Variants in MBD3 observed in about 807,000 individuals in gnomAD.
The protein encoded by MBD3 is methyl-CpG binding domain protein 3.
A neutral mutation model predicts 31.2 loss-of-function variants in MBD3; 13 were observed. The observed-to-expected ratio is 0.42, with a 90% CI of 0.27 to 0.66. The LOEUF is 0.66. MBD3 is among the 30% of genes least tolerant of loss of function. The pLI, the probability that MBD3 is intolerant of heterozygous loss-of-function variation, is 0.26. For missense variants in MBD3, 440 were observed against 426.5 expected (o/e 1.03, Z -0.28); for synonymous variants, 223 against 187.4 (o/e 1.19, Z -1.55).
chr19:1,592,428 C>G (rs970453474), intron 1 of MBD3, 94 bp downstream of exon 1: 4 of 387,100 alleles, frequency 1.0e-5, no homozygotes, highest in Admixed American at 5.9e-5. Context: ...CGCGCGGGGC[C>G]CAGGCCGCGG....
chr19:1,588,779 C>CAA (rs750933978), intron 1 of MBD3, among the ~76,000 whole-genome samples: 649 of 54,814 alleles, frequency 0.012, 20 homozygotes, highest in African/African-American at 0.04. Context: ...ACTGTGTCTC[C>CAA]AAAAAAAAAA....
chr19:1,582,961 T>C (rs1263067764), intron 3 of MBD3, among the ~76,000 whole-genome samples: 3 of 152,120 alleles, frequency 2.0e-5, no homozygotes. Context: ...CCCAGCACTT[T>C]AGGAGGCCGA....
At chr19:1,580,264 G>A (rs555157688) in intron 5 of MBD3, among the ~76,000 whole-genome samples, 7 of 152,306 alleles carry the variant, frequency 4.6e-5, no homozygotes, top group Middle Eastern at 3.4e-3. Context: ...CAGCCGCTCC[G>A]GATGGAACCC....
In MBD3 at chr19:1,585,579, C is replaced by CT; in HGVS notation, c.111-366_111-365insA. On this transcript the variant is annotated intron_variant, in intron 1 of 6. Transcript: ENST00000434436. The surrounding 1 kb of genome is among the most constrained non-coding windows in gnomAD (Gnocchi z 4.1). ...CCCTCTGAATCCTCCCCACCGTAGGCCCTGGCAGCGTCAGGCACAGCAGAC... is the reference window on the plus strand; with the variant it reads ...CCCTCTGAATCCTCCCCACCGTAGGCTCCTGGCAGCGTCAGGCACAGCAGAC... The CT allele has an allele frequency of 3.2e-6, 1 of 309,570 alleles. No individual in the cohort carries two copies. Among genetic ancestry groups the CT allele is most frequent in the Non-Finnish European group, 6.2e-6 (1 of 161,146 alleles). The allele number at this position is 309,570 out of a possible 1,614,324, so 19.2% of individuals were successfully genotyped here. A position where few individuals can be genotyped will look rare whatever the true frequency, so the allele number is the denominator to read the frequency against.
At chr19:1,583,721 A>G (rs1199496496) in intron 3 of MBD3, among the ~76,000 whole-genome samples, 1 of 152,104 alleles carries the variant, frequency 6.6e-6, no homozygotes, top group African/African-American at 2.4e-5. Context: ...AAATGAATAA[A>G]ACACACACAA....
intron 1 of MBD3, among the ~76,000 whole-genome samples, chr19:1,590,993 G>T (rs190563445): frequency 5.8e-4 from 88 of 152,354 alleles, no homozygotes; most frequent in Non-Finnish European, 1.6e-4. Flanking sequence ...AGGGCCCAGA[G>T]TGGGAATGAG....
At position 1,578,575 on chromosome 19, in the gene MBD3, G is replaced by A. The variant is rs757907818; in HGVS notation, c.678-37C>T. 5 of 1,608,852 alleles carry A rather than the reference G, an allele frequency of 3.1e-6. No individual in the cohort carries two copies. The highest frequency in any genetic ancestry group is 1.7e-5 in the Admixed American group (1 of 60,010). ...TGGACCTTGCGTTACACCAAGGTGAGCGGCCAGCAGGACATGGACACAGGA... is the reference window on the plus strand; with the variant it reads ...TGGACCTTGCGTTACACCAAGGTGAACGGCCAGCAGGACATGGACACAGGA... On this transcript the variant is annotated intron_variant, in intron 5 of 6. Transcript: ENST00000434436. The surrounding 1 kb of genome is among the most constrained non-coding windows in gnomAD (Gnocchi z 6.1).
chr19:1,588,515 C>A (rs924305385), intron 1 of MBD3, among the ~76,000 whole-genome samples: 11 of 152,146 alleles, frequency 7.2e-5, no homozygotes, highest in African/African-American at 2.7e-4. Context: ...GGCGCGGTGG[C>A]TCACGCCTGT....
intron 3 of MBD3, among the ~76,000 whole-genome samples, chr19:1,583,798 T>G (rs80044784): frequency 0.01 from 1,538 of 152,256 alleles, 28 homozygotes; most frequent in African/African-American, 0.035. Flanking sequence ...GTGCAAACAT[T>G]AGACCATTTC....
intron 5 of MBD3, among the ~76,000 whole-genome samples, chr19:1,580,501 T>C (rs1320511325): frequency 6.6e-6 from 1 of 152,250 alleles, no homozygotes; most frequent in African/African-American, 2.4e-5. Context: ...TGTGCTGCAC[T>C]GAACGTGAAA....
In MBD3 at chr19:1,578,016, C is replaced by T. The variant is rs142135299; in HGVS notation, c.*148G>A. 856 of 469,908 alleles carry T rather than the reference C, an allele frequency of 1.8e-3. 5 individuals carry two copies. The highest frequency in any genetic ancestry group is 0.016 in the East Asian group (399 of 24,500). 29.1% of individuals were successfully genotyped at this position (469,908 alleles called of 1,614,324 possible). On this transcript the variant is annotated 3_prime_UTR_variant, in exon 7 of 7. Transcript: ENST00000434436. This position sits in a 1 kb window ranked among gnomAD's most constrained non-coding sequence, Gnocchi z 6.1. ...GCCCCGAGGCCCCGGGAAGTGGGGA[C>T]GGGCCGAGGAGGGAGCCAGGAGCAC...
At chr19:1,587,407 T>C (rs1374699436) in intron 1 of MBD3, among the ~76,000 whole-genome samples, 2 of 151,322 alleles carry the variant, frequency 1.3e-5, no homozygotes, top group Admixed American at 6.6e-5. Context: ...CTGCTTCATT[T>C]CTTTTTTTTT....
In MBD3 at chr19:1,578,148, C is replaced by T. The variant is rs1034207837; in HGVS notation, c.*16G>A. On this transcript the variant is annotated 3_prime_UTR_variant, in exon 7 of 7. Coordinates refer to ENST00000434436, the MANE Select transcript of MBD3 (RefSeq NM_001281453.2). This position sits in a 1 kb window ranked among gnomAD's most constrained non-coding sequence, Gnocchi z 6.1. ...GGCTCCAGCAGGCAGCACGGGCTCTCGGCAGGGCCTCTGGAAAGGACAGGG... is the reference window on the plus strand; with the variant it reads ...GGCTCCAGCAGGCAGCACGGGCTCTTGGCAGGGCCTCTGGAAAGGACAGGG... 15 of 899,966 alleles carry T rather than the reference C, an allele frequency of 1.7e-5. No homozygotes were observed. Among genetic ancestry groups the T allele is most frequent in the East Asian group, 2.6e-5 (1 of 38,436 alleles). 55.7% of individuals were successfully genotyped at this position (899,966 alleles called of 1,614,324 possible). A position where few individuals can be genotyped will look rare whatever the true frequency, so the allele number is the denominator to read the frequency against.
At position 1,577,352 on chromosome 19, in the gene MBD3, T is replaced by C. The variant is rs999039927; in HGVS notation, c.*812A>G. 1.3e-5 allele frequency: 2 copies of C among 152,192 alleles called. No individual in the cohort carries two copies. Among genetic ancestry groups the C allele is most frequent in the Non-Finnish European group, 2.9e-5 (2 of 68,048 alleles). 9.4% of individuals were successfully genotyped at this position (152,192 alleles called of 1,614,324 possible). ...GTCTGGGAGCCTCACCCTGTCCCAG[T>C]GGCTCCTGGCACCCCTGGGAGCGTC... On this transcript the variant is annotated 3_prime_UTR_variant, in exon 7 of 7. Coordinates refer to ENST00000434436, the MANE Select transcript of MBD3 (RefSeq NM_001281453.2).
At chr19:1,584,907 T>G in intron 2 of MBD3, 148 bp downstream of exon 2, 1 of 1,231,348 alleles carries the variant, frequency 8.1e-7, no homozygotes, top group Non-Finnish European at 1.1e-6. Context: ...CTGCACCCTG[T>G]GGCCTGCGCC....
At chr19:1,583,615 T>C (rs756106238) in intron 3 of MBD3, among the ~76,000 whole-genome samples, 1 of 151,844 alleles carries the variant, frequency 6.6e-6, no homozygotes, top group Non-Finnish European at 1.5e-5. Context: ...CCCCACAGTT[T>C]TGGAGGCCAA....
At chr19:1,588,108 G>A (rs563307281) in intron 1 of MBD3, among the ~76,000 whole-genome samples, 3 of 152,134 alleles carry the variant, frequency 2.0e-5, no homozygotes, top group African/African-American at 7.2e-5. Context: ...TAGATCACAG[G>A]AAGTTTTATT....
Position 1,584,655 on chromosome 19 carries a change from G to C in MBD3, c.293C>G (p.Ala98Gly). The C allele has an allele frequency of 1.2e-6, 2 of 1,613,046 alleles. No individual in the cohort carries two copies. The highest frequency in any genetic ancestry group is 1.3e-5 in the African/African-American group (1 of 75,064). The change falls in exon 3 of 7, where the codon GCG becomes GGG. Residue 98 changes from alanine to glycine, a missense_variant. Ala to Gly is a moderately conservative substitution (Grantham distance 60, BLOSUM62 0). Transcript: ENST00000434436. ...QVKGKPDLNT[A>G]LPVRQTASIF... ...GGACGCCGTCTGGCGCACGGGCAGC[G>C]CCGTGTTCAGGTCGGGCTTGCCCTG...
At chr19:1,584,862 G>T in intron 2 of MBD3, 185 bp from the exon 3 acceptor site, 1 of 986,748 alleles carries the variant, frequency 1.0e-6, no homozygotes, top group Non-Finnish European at 1.4e-6. Context: ...TGGAACGCCC[G>T]CCGCGGGCCG....
Sources: gnomAD v4.1 joint callset for allele counts (sites outside exome capture counted in the v4.1 genomes callset) on GRCh38, gnomAD v4.1.1 for gene constraint, Gnocchi (gnomAD v3.1) non-coding constraint, MANE v1.5 for transcripts, NCBI Gene and HGNC (gene_info 2026-07-23, HGNC 2026-07-21) for gene names.